Variants in LIN9 observed in about 807,000 individuals in gnomAD.
LIN9 encodes the protein protein lin-9 homolog.
LIN9 carries 18 observed loss-of-function variants against 78.0 expected under a neutral mutation model. The observed-to-expected ratio is 0.23, with a 90% CI of 0.16 to 0.34. The LOEUF is 0.34. Among genes scored for constraint, LIN9 ranks in the 10% least tolerant of loss-of-function variants. The pLI, the probability that LIN9 is intolerant of heterozygous loss-of-function variation, is 1.00. For synonymous variants in LIN9, 192 were observed against 215.2 expected, an observed-to-expected ratio of 0.89 and a Z score of 0.94; for missense variants, 451 against 644.1, an observed-to-expected ratio of 0.70 and a Z score of 3.25.
At chr1:226,279,209 T>C in intron 6 of LIN9, among the ~76,000 whole-genome samples, 1 of 151,836 alleles carries the variant, frequency 6.6e-6, no homozygotes, top group East Asian at 1.9e-4. Flanking sequence ...TGGCTCATGT[T>C]TTAATCCTGG....
intron 11 of LIN9, among the ~76,000 whole-genome samples, chr1:226,245,433 C>T (rs1328402165): frequency 1.3e-5 from 2 of 151,540 alleles, no homozygotes; most frequent in Non-Finnish European, 2.9e-5. Context: ...TTTTTTCCCC[C>T]CCCCCAAGAA....
intron 10 of LIN9, among the ~76,000 whole-genome samples, chr1:226,256,621 C>T (rs1470818621): frequency 6.6e-6 from 1 of 151,480 alleles, no homozygotes; most frequent in Non-Finnish European, 1.5e-5. Flanking sequence ...TGCAGTGGTG[C>T]GATCTTGGCT....
intron 7 of LIN9, among the ~76,000 whole-genome samples, chr1:226,269,177 C>T (rs1224249168): frequency 2.6e-5 from 4 of 152,036 alleles, no homozygotes; most frequent in Non-Finnish European, 5.9e-5. Flanking sequence ...TAATAGAACA[C>T]AGAAATACAC....
chr1:226,297,634 C>T (rs1250978941), intron 3 of LIN9, 85 bp downstream of exon 3: 2 of 817,314 alleles, frequency 2.4e-6, no homozygotes, highest in African/African-American at 3.5e-5. Flanking sequence ...AAATTTTTTA[C>T]TGTGCTGCAA....
chr1:226,302,274 T>C (rs974215075), intron 1 of LIN9, among the ~76,000 whole-genome samples: 1 of 152,126 alleles, frequency 6.6e-6, no homozygotes, highest in African/African-American at 2.4e-5. Flanking sequence ...CCGGGTGCGG[T>C]GGCTCACGCC....
intron 10 of LIN9, among the ~76,000 whole-genome samples, chr1:226,253,742 C>A (rs1659004136): frequency 6.6e-6 from 1 of 151,670 alleles, no homozygotes; most frequent in Non-Finnish European, 1.5e-5. Context: ...ATGGTAAAAC[C>A]CCATCTCTAC....
intron 1 of LIN9, 159 bp downstream of exon 1, chr1:226,308,950 C>T (rs566629779): frequency 4.4e-5 from 26 of 593,528 alleles, no homozygotes; most frequent in Non-Finnish European, 5.9e-5. Flanking sequence ...AAGGCGGCGA[C>T]GCGGCGGCAA....
Position 226,286,548 on chromosome 1 carries a change from C to G in LIN9, c.399-90G>C, listed in dbSNP as rs1473856621. ...ATCACAAAATGCTAAACTTTCACTT[C>G]TACCCCATATATATATATAAACTGG... On this transcript the variant is annotated intron_variant, in intron 5 of 14. Coordinates refer to ENST00000681046, the MANE Select transcript of LIN9 (RefSeq NM_001366245.2). 41 of 932,356 alleles carry G rather than the reference C, an allele frequency of 4.4e-5. No individual in the cohort carries two copies. The East Asian group carries it at 1.0e-3, about 23-fold the overall frequency. 57.8% of individuals were successfully genotyped at this position (932,356 alleles called of 1,614,324 possible).
At chr1:226,303,852 C>T (rs1277550912) in intron 1 of LIN9, among the ~76,000 whole-genome samples, 1 of 152,212 alleles carries the variant, frequency 6.6e-6, no homozygotes, top group Non-Finnish European at 1.5e-5. Flanking sequence ...GGTGACCACC[C>T]GGCTCGGCCT....
intron 8 of LIN9, 121 bp from the exon 9 acceptor site, chr1:226,266,453 A>G: frequency 1.6e-6 from 1 of 636,658 alleles, no homozygotes. Flanking sequence ...TATAGAATTT[A>G]TTACTTATAT....
chr1:226,243,807 AACTC>A (rs1213252122), intron 11 of LIN9, among the ~76,000 whole-genome samples: 22 of 152,104 alleles, frequency 1.4e-4, no homozygotes, highest in Admixed American at 1.4e-3. Context: ...ACACACATGA[AACTC>A]AATAAGAATG....
At chr1:226,241,992 C>T (rs1658146030) in intron 11 of LIN9, among the ~76,000 whole-genome samples, 1 of 152,104 alleles carries the variant, frequency 6.6e-6, no homozygotes, top group Admixed American at 6.5e-5. Context: ...TTTGAGCTCC[C>T]TTTTTTGAAG....
In LIN9 at chr1:226,283,278, ATTTTTTT is replaced by A. The variant is rs71574569; in HGVS notation, c.524+3048_524+3054del. On this transcript the variant is annotated intron_variant, in intron 6 of 14. Transcript: ENST00000681046. The stretch of plus-strand genomic sequence containing the variant: ...AGTAGCATGCCTGGGTAATTTTTGA[ATTTTTTT>A]TTTTTTTTTTTTTTTTTTTTGGTGG... Among the ~76,000 whole-genome samples the A allele has an allele frequency of 1.1e-3, 96 of 84,212 alleles. 1 individual carries two copies. The highest frequency in any genetic ancestry group is 4.0e-3 in the Admixed American group (26 of 6,422). 55.2% of individuals were successfully genotyped at this position (84,212 alleles called of 152,430 possible). A position where few individuals can be genotyped will look rare whatever the true frequency, so the allele number is the denominator to read the frequency against.
chr1:226,234,812 T>C (rs1657577225), intron 12 of LIN9, among the ~76,000 whole-genome samples: 1 of 151,992 alleles, frequency 6.6e-6, no homozygotes, highest in African/African-American at 2.4e-5. Context: ...TCCCATCTAA[T>C]GCCACAGGGT....
At chr1:226,308,155 CT>C (rs1324472888) in intron 1 of LIN9, among the ~76,000 whole-genome samples, 5 of 152,010 alleles carry the variant, frequency 3.3e-5, no homozygotes, top group Non-Finnish European at 4.4e-5. Flanking sequence ...GGATTCAGGA[CT>C]TTTTTTTGTA....
At position 226,233,379 on chromosome 1, in the gene LIN9, T is replaced by C. The variant is rs773888021; in HGVS notation, c.1390A>G (p.Ile464Val). The C allele has an allele frequency of 3.5e-5, 57 of 1,612,966 alleles. No individual in the cohort carries two copies. The highest frequency in any genetic ancestry group is 3.3e-5 in the Admixed American group (2 of 59,768). ...AACAAAATAGCTGTAAGCCTGGAAA[T>C]TAAGTCTGTCAGATTTTCATTTTCA... ...CVENENLTDL[I>V]SRLTAILLQI... The change falls in exon 13 of 15, where the codon ATT becomes GTT. Residue 464 changes from isoleucine to valine, a missense_variant. Coordinates refer to ENST00000681046, the MANE Select transcript of LIN9 (RefSeq NM_001366245.2).
chr1:226,252,965 T>C (rs139317554), intron 10 of LIN9, among the ~76,000 whole-genome samples: 19 of 149,854 alleles, frequency 1.3e-4, no homozygotes, highest in South Asian at 1.3e-3. Context: ...AAACACCCTC[T>C]CAAAAAAGAA....
intron 4 of LIN9, among the ~76,000 whole-genome samples, chr1:226,291,739 G>A (rs1410499559): frequency 6.6e-6 from 1 of 151,972 alleles, no homozygotes; most frequent in African/African-American, 2.4e-5. Flanking sequence ...TAGTAACTTT[G>A]GTATATTTGT....
intron 10 of LIN9, among the ~76,000 whole-genome samples, chr1:226,259,593 T>C (rs1289267883): frequency 6.6e-6 from 1 of 152,168 alleles, no homozygotes; most frequent in African/African-American, 2.4e-5. Flanking sequence ...TCATACAATG[T>C]ATGCTCTTAC....
Sources: allele counts gnomAD v4.1 joint callset (sites outside exome capture counted in the v4.1 genomes callset), GRCh38; gene constraint gnomAD v4.1.1; transcripts MANE v1.5; gene names NCBI Gene and HGNC (gene_info 2026-07-23, HGNC 2026-07-21).